LIMK2: variants seen among roughly 807,000 people sequenced by gnomAD.
LIMK2 encodes LIM domain kinase 2.
A neutral mutation model predicts 75.7 loss-of-function variants in LIMK2; 35 were observed. That is an observed-to-expected ratio of 0.46 (90% CI 0.35 to 0.61). The LOEUF (loss-of-function observed/expected upper bound fraction) is 0.61, where lower values mean the gene tolerates loss of function less well. LIMK2 is among the 20% of genes least tolerant of loss of function. The pLI, the probability that LIMK2 is intolerant of heterozygous loss-of-function variation, is 0.00. For synonymous variants in LIMK2, 301 were observed against 319.2 expected (o/e 0.94, Z 0.61); for missense variants, 623 against 831.0 (o/e 0.75, Z 3.08).
At chr22:31,242,088 C>G (rs73158537) in intron 2 of LIMK2, among the ~76,000 whole-genome samples, 1 of 152,194 alleles carries the variant, frequency 6.6e-6, no homozygotes, top group Non-Finnish European at 1.5e-5. Context: ...TCTGATTTTT[C>G]TAGATTTCCT....
chr22:31,274,253 T>C (rs893803230), intron 14 of LIMK2, among the ~76,000 whole-genome samples: 1 of 152,106 alleles, frequency 6.6e-6, no homozygotes, highest in African/African-American at 2.4e-5. Context: ...CTTGGAAAGA[T>C]TCCTACCTTT....
chr22:31,278,157 T>A (rs571171451), intron 15 of LIMK2, 140 bp from the exon 16 acceptor site: 1 of 690,240 alleles, frequency 1.4e-6, no homozygotes, highest in Admixed American at 2.5e-5. Context: ...ATTATGCCCA[T>A]TTCTCACAGA....
At position 31,278,599 on chromosome 22, in the gene LIMK2, G is replaced by A; in HGVS notation, c.*158G>A. 1 of 633,248 alleles carries A rather than the reference G, an allele frequency of 1.6e-6. No individual in the cohort carries two copies. The allele number at this position is 633,248 out of a possible 1,614,324, so 39.2% of individuals were successfully genotyped here. A position where few individuals can be genotyped will look rare whatever the true frequency, so the allele number is the denominator to read the frequency against. ...CTATTACCTCCCCAGGAGGCAAGTG[G>A]GCGCAGCACCAGGGAAATGTATCTC... On this transcript the variant is annotated 3_prime_UTR_variant, in exon 16 of 16. Transcript: ENST00000331728.
rs1384674708 is a variant in LIMK2, at chr22:31,272,905, A to C, written c.1558+201A>C. On this transcript the variant is annotated intron_variant, in intron 13 of 15. Transcript: ENST00000331728. The stretch of plus-strand genomic sequence containing the variant: ...GCTGGGAACTGATCAGTGTCCCATC[A>C]TGGGGGATAAGGTGAGTTCTGACTG... 13 of 1,353,390 alleles carry C rather than the reference A, an allele frequency of 9.6e-6. No individual in the cohort carries two copies. In the Admixed American group the frequency reaches 2.9e-4, roughly 30 times the overall value. The allele number at this position is 1,353,390 out of a possible 1,614,324, so 83.8% of individuals were successfully genotyped here. A position where few individuals can be genotyped will look rare whatever the true frequency, so the allele number is the denominator to read the frequency against.
chr22:31,229,136 T>C (rs1229829207), intron 2 of LIMK2, among the ~76,000 whole-genome samples: 1 of 152,208 alleles, frequency 6.6e-6, no homozygotes, highest in African/African-American at 2.4e-5. Flanking sequence ...AAGCCAAATA[T>C]CATTCCCGTG....
chr22:31,254,298 G>A lies in LIMK2; in HGVS notation c.117-3993G>A, dbSNP rs143987181. Among the ~76,000 whole-genome samples, 68 of 152,372 alleles carry A rather than the reference G, an allele frequency of 4.5e-4. 1 individual carries two copies. Among genetic ancestry groups the A allele is most frequent in the Admixed American group, 2.1e-3 (32 of 15,300 alleles). On this transcript the variant is annotated intron_variant, in intron 2 of 15. Coordinates refer to ENST00000331728, the MANE Select transcript of LIMK2 (RefSeq NM_005569.4). ...GCGGCGCACATACCATTGCAAGGGCGTAACAGAGCCCAGGCCTGCATTTGG... is the reference window on the plus strand; with the variant it reads ...GCGGCGCACATACCATTGCAAGGGCATAACAGAGCCCAGGCCTGCATTTGG...
rs567250437 is a variant in LIMK2 at position 31,255,978 on chromosome 22, C to CTTTTTTTTTTTTTTTTTTT, written c.117-2293_117-2275dup. ...ATACTGAGTTTCTACTATATTGGGT[C>CTTTTTTTTTTTTTTTTTTT]TTTTTTTTTTTTTTTTTTTTTTTTT... On this transcript the variant is annotated intron_variant, in intron 2 of 15. Coordinates refer to ENST00000331728, the MANE Select transcript of LIMK2 (RefSeq NM_005569.4). Among the ~76,000 whole-genome samples, 3 of 29,682 alleles carry CTTTTTTTTTTTTTTTTTTT rather than the reference C, an allele frequency of 1.0e-4. 1 individual carries two copies. Among genetic ancestry groups the CTTTTTTTTTTTTTTTTTTT allele is most frequent in the African/African-American group, 2.4e-4 (2 of 8,404 alleles). The allele number at this position is 29,682 out of a possible 152,430, so 19.5% of individuals were successfully genotyped here.
intron 11 of LIMK2, 139 bp from the exon 12 acceptor site, chr22:31,270,997 C>T: frequency 1.4e-6 from 1 of 710,586 alleles, no homozygotes. Flanking sequence ...CCATAGGAGG[C>T]CCTGGCCCTG....
At chr22:31,255,669 T>A (rs1449299405) in intron 2 of LIMK2, among the ~76,000 whole-genome samples, 1 of 152,230 alleles carries the variant, frequency 6.6e-6, no homozygotes, top group African/African-American at 2.4e-5. Flanking sequence ...TTTCTCTTCC[T>A]CAACTCTTCA....
intron 14 of LIMK2, among the ~76,000 whole-genome samples, chr22:31,273,925 G>A (rs1043391354): frequency 5.9e-5 from 9 of 151,632 alleles, no homozygotes; most frequent in African/African-American, 1.5e-4. Context: ...CTTGAACTCC[G>A]GACCTCAGGT....
intron 1 of LIMK2, among the ~76,000 whole-genome samples, chr22:31,224,401 T>C (rs1410107799): frequency 6.6e-6 from 1 of 152,170 alleles, no homozygotes; most frequent in Non-Finnish European, 1.5e-5. Context: ...CTGGTTCCCC[T>C]CATTGGAGTG....
intron 1 of LIMK2, among the ~76,000 whole-genome samples, chr22:31,214,570 A>G (rs991274360): frequency 6.6e-5 from 10 of 151,746 alleles, no homozygotes; most frequent in African/African-American, 2.4e-4. Flanking sequence ...CTGGGATTAC[A>G]GGCATGAACC....
At chr22:31,213,831 T>TC (rs398121793) in intron 1 of LIMK2, among the ~76,000 whole-genome samples, 1 of 151,476 alleles carries the variant, frequency 6.6e-6, no homozygotes, top group East Asian at 1.9e-4. Flanking sequence ...TTTTTTTTTT[T>TC]CTTAGATGGA....
At chr22:31,253,568 C>T (rs2048746633) in intron 2 of LIMK2, among the ~76,000 whole-genome samples, 3 of 152,216 alleles carry the variant, frequency 2.0e-5, no homozygotes, top group Admixed American at 2.0e-4. Flanking sequence ...TGTCAGGGCT[C>T]CAGCTTCCTT....
intron 14 of LIMK2, 78 bp downstream of exon 14, chr22:31,273,585 T>G: frequency 1.8e-6 from 2 of 1,139,438 alleles, no homozygotes; most frequent in Non-Finnish European, 2.7e-6. Flanking sequence ...GGGCATCTCC[T>G]CCTAGGGATG....
At chr22:31,226,997 G>A (rs902100782) in intron 2 of LIMK2, among the ~76,000 whole-genome samples, 1 of 152,216 alleles carries the variant, frequency 6.6e-6, no homozygotes, top group African/African-American at 2.4e-5. Flanking sequence ...CTGAGGCTCA[G>A]TTTCTTCATC....
At chr22:31,277,401 G>A (rs1213689966) in intron 15 of LIMK2, 3 of 1,212,064 alleles carry the variant, frequency 2.5e-6, no homozygotes, top group East Asian at 4.3e-5. Flanking sequence ...GGTAGGGTAC[G>A]CCTTTGGTGC....
chr22:31,256,630 G>A (rs1192553013), intron 2 of LIMK2, among the ~76,000 whole-genome samples: 1 of 152,032 alleles, frequency 6.6e-6, no homozygotes, highest in African/African-American at 2.4e-5. Context: ...ATAAGCCACT[G>A]TGCCCAGCTG....
intron 2 of LIMK2, among the ~76,000 whole-genome samples, chr22:31,228,659 G>C (rs1012277473): frequency 6.6e-6 from 1 of 152,162 alleles, no homozygotes; most frequent in East Asian, 1.9e-4. Flanking sequence ...AGGGCCGGAC[G>C]TGGTGGCTTA....
Sources: allele counts gnomAD v4.1 joint callset (sites outside exome capture counted in the v4.1 genomes callset), GRCh38; gene constraint gnomAD v4.1.1; transcripts MANE v1.5; gene names NCBI Gene and HGNC (gene_info 2026-07-23, HGNC 2026-07-21).